PPEF2: variants seen among roughly 807,000 people sequenced by gnomAD.
PPEF2 encodes the protein serine/threonine-protein phosphatase with EF-hands 2.
PPEF2 carries 84 observed loss-of-function variants against 84.7 expected under a neutral mutation model. The ratio of observed to expected loss-of-function variants is 0.99; its 90% CI spans 0.83 to 1.19. The LOEUF (loss-of-function observed/expected upper bound fraction) is 1.19, where lower values mean the gene tolerates loss of function less well. PPEF2 is among the 50% of genes most tolerant of loss of function. The probability of loss-of-function intolerance (pLI) is 0.00; values close to 1 mark genes in which losing one functional copy is unlikely to be tolerated. For missense variants in PPEF2, 924 were observed against 937.5 expected (o/e 0.99, Z 0.19); for synonymous variants, 346 against 345.2 (o/e 1.00, Z -0.03).
intron 1 of PPEF2, among the ~76,000 whole-genome samples, chr4:75,901,708 C>A (rs763155690): frequency 1.3e-5 from 2 of 152,214 alleles, no homozygotes; most frequent in Non-Finnish European, 2.9e-5. Flanking sequence ...GCTGAGCCAT[C>A]TCTCCAGGTG....
chr4:75,896,765 T>A (rs1307412108), intron 1 of PPEF2, among the ~76,000 whole-genome samples: 1 of 152,132 alleles, frequency 6.6e-6, no homozygotes, highest in Non-Finnish European at 1.5e-5. Context: ...AAATCACCTT[T>A]TTCATCCTCA....
At chr4:75,862,361 G>A (rs1724026574) in intron 16 of PPEF2, among the ~76,000 whole-genome samples, 1 of 138,282 alleles carries the variant, frequency 7.2e-6, no homozygotes, top group Admixed American at 7.2e-5. Flanking sequence ...AAAGTGAAAA[G>A]ACAATCCACA....
Position 75,886,863 on chromosome 4 carries a change from T to G in PPEF2, c.568A>C (p.Ile190Leu). The G allele has an allele frequency of 6.7e-7, 1 of 1,495,550 alleles. No homozygotes were observed. The highest frequency in any genetic ancestry group is 9.1e-7 in the Non-Finnish European group (1 of 1,093,350). The allele number at this position is 1,495,550 out of a possible 1,614,324, so 92.6% of individuals were successfully genotyped here. The change falls in exon 7 of 17, where the codon ATA (isoleucine) becomes CTA (leucine). Residue 190 changes from isoleucine to leucine, a missense_variant. Ile to Leu is a conservative substitution (Grantham distance 5). Transcript: ENST00000286719. ...TTGAACATTCATACCTTATAAAATA[T>G]AAAGATTAAGTCATCCAATTGGCCA... Reference protein sequence around the residue: ...LHGQLDDLIFIFYKNGLPSPE... With the variant: ...LHGQLDDLIFLFYKNGLPSPE...
rs138163765 is a variant in PPEF2 at position 75,893,352 on chromosome 4, G to A, written c.56-1374C>T. Among the ~76,000 whole-genome samples the A allele has an allele frequency of 3.8e-3, 586 of 152,298 alleles. 5 individuals are homozygous for A. Among genetic ancestry groups the A allele is most frequent in the African/African-American group, 0.013 (532 of 41,568 alleles). Reference sequence around the variant, plus strand: ...ATCTCTACTAAAAATACAAAAATTAGCTGGGCATGGTGGCAGGCATCTGTA... The same window carrying A: ...ATCTCTACTAAAAATACAAAAATTAACTGGGCATGGTGGCAGGCATCTGTA... On this transcript the variant is annotated intron_variant, in intron 2 of 16. Coordinates refer to ENST00000286719, the MANE Select transcript of PPEF2 (RefSeq NM_006239.3).
At chr4:75,874,805 G>C (rs902083122) in intron 11 of PPEF2, among the ~76,000 whole-genome samples, 1 of 152,146 alleles carries the variant, frequency 6.6e-6, no homozygotes, top group Non-Finnish European at 1.5e-5. Context: ...TCTAGACTCA[G>C]AGTCAGCTGC....
chr4:75,860,911 G>A lies in PPEF2; in HGVS notation c.2018C>T (p.Ser673Leu), dbSNP rs1375563795. ...CCAGGTCTGCCTGAACTCGTCCAGT[G>A]AGATGAACCCTTATCAGAGGGAGGA... Reference protein sequence around the residue: ...IIDSDHSGFISLDEFRQTWKL... With the variant: ...IIDSDHSGFILLDEFRQTWKL... The change falls in exon 17 of 17, where the codon TCA (serine) becomes TTA (leucine). Residue 673 changes from serine to leucine, a missense_variant. Coordinates refer to ENST00000286719, the MANE Select transcript of PPEF2 (RefSeq NM_006239.3). 1 of 1,613,886 alleles carries A rather than the reference G, an allele frequency of 6.2e-7. No individual in the cohort carries two copies. Among genetic ancestry groups the A allele is most frequent in the Non-Finnish European group, 8.5e-7 (1 of 1,179,862 alleles).
At chr4:75,893,807 C>T (rs958629402) in intron 2 of PPEF2, among the ~76,000 whole-genome samples, 12 of 152,184 alleles carry the variant, frequency 7.9e-5, no homozygotes, top group Non-Finnish European at 1.3e-4. Flanking sequence ...GTATTACATC[C>T]TCAGTCTTGC....
At position 75,867,301 on chromosome 4, in the gene PPEF2, G is replaced by A; in HGVS notation, c.1756+12C>T. On this transcript the variant is annotated intron_variant, in intron 14 of 16. Coordinates refer to ENST00000286719, the MANE Select transcript of PPEF2 (RefSeq NM_006239.3). ...TCCTTCCTCTGTGAATCTTTAACTT[G>A]ATCATTCTTACCGACTTTATCTGCA... 4.4e-6 allele frequency: 7 copies of A among 1,595,458 alleles called. No homozygotes were observed. Among genetic ancestry groups the A allele is most frequent in the Non-Finnish European group, 6.0e-6 (7 of 1,164,110 alleles).
At chr4:75,890,265 T>C (rs142389874) in intron 4 of PPEF2, 133 bp from the exon 5 acceptor site, 3 of 938,932 alleles carry the variant, frequency 3.2e-6, no homozygotes, top group Admixed American at 2.4e-5. Context: ...GAGGGAGGAT[T>C]GCTTGAGCCC....
intron 11 of PPEF2, among the ~76,000 whole-genome samples, chr4:75,875,412 C>T (rs966730230): frequency 5.3e-5 from 8 of 152,082 alleles, no homozygotes; most frequent in Non-Finnish European, 1.0e-4. Flanking sequence ...GGTTCAAGAC[C>T]AGCCTGGGCA....
At position 75,876,808 on chromosome 4, in the gene PPEF2, C is replaced by T. The variant is rs942761715; in HGVS notation, c.934-135G>A. ...AACACTCAAGCCCGGGAGTTCAAGA[C>T]CAGCTTGAGCAACATGGCAAGACCG... On this transcript the variant is annotated intron_variant, in intron 10 of 16. Transcript: ENST00000286719. The T allele has an allele frequency of 1.6e-5, 15 of 915,326 alleles. No homozygotes were observed. The African/African-American group carries it at 2.4e-4, about 14-fold the overall frequency. 56.7% of individuals were successfully genotyped at this position (915,326 alleles called of 1,614,324 possible).
chr4:75,897,021 G>A (rs763823724), intron 1 of PPEF2, among the ~76,000 whole-genome samples: 2 of 151,926 alleles, frequency 1.3e-5, no homozygotes, highest in Non-Finnish European at 2.9e-5. Context: ...GGTTAATTTT[G>A]TTTTTGCATT....
At chr4:75,884,882 TCCTCCAAG>T in intron 7 of PPEF2, 122 bp from the exon 8 acceptor site, 1 of 810,844 alleles carries the variant, frequency 1.2e-6, no homozygotes, top group East Asian at 2.6e-5. Context: ...TTTCTAGGTC[TCCTCCAAG>T]CCTGAAATGT....
At chr4:75,892,025 G>C in intron 2 of PPEF2, 47 bp from the exon 3 acceptor site, 1 of 1,600,808 alleles carries the variant, frequency 6.2e-7, no homozygotes, top group Non-Finnish European at 8.5e-7. Context: ...GACTCCCTGG[G>C]CCAGGGGTTT....
intron 13 of PPEF2, among the ~76,000 whole-genome samples, chr4:75,870,985 C>T (rs553672949): frequency 8.5e-5 from 3 of 35,338 alleles, no homozygotes; most frequent in East Asian, 8.3e-4. Context: ...GGTGCGATCT[C>T]GGGTCACTGC....
At chr4:75,898,230 C>T (rs549544551) in intron 1 of PPEF2, among the ~76,000 whole-genome samples, 31 of 152,326 alleles carry the variant, frequency 2.0e-4, no homozygotes, top group Middle Eastern at 3.4e-3. Flanking sequence ...CCAGCATGGG[C>T]GTTATGGCCA....
At chr4:75,876,259 C>T (rs770289125) in intron 11 of PPEF2, 28 bp downstream of exon 11, 1 of 1,558,600 alleles carries the variant, frequency 6.4e-7, no homozygotes, top group Non-Finnish European at 8.7e-7. Flanking sequence ...CAGCCACATG[C>T]TAGGAAGCAG....
At chr4:75,867,254 G>T in intron 14 of PPEF2, 59 bp downstream of exon 14, 3 of 1,358,372 alleles carry the variant, frequency 2.2e-6, no homozygotes, top group South Asian at 1.2e-5. Context: ...ACTAGTGTAA[G>T]ACAGAGATTT....
At chr4:75,875,611 GAAAAAC>G (rs1006464273) in intron 11 of PPEF2, among the ~76,000 whole-genome samples, 2 of 152,132 alleles carry the variant, frequency 1.3e-5, no homozygotes, top group South Asian at 2.1e-4. Context: ...TTGTCTCAAA[GAAAAAC>G]AAAAACAAAA....
Sources: allele counts gnomAD v4.1 joint callset (sites outside exome capture counted in the v4.1 genomes callset), GRCh38; gene constraint gnomAD v4.1.1; transcripts MANE v1.5; gene names NCBI Gene and HGNC (gene_info 2026-07-23, HGNC 2026-07-21).